The following DDX6 variants were observed in gnomAD, a reference collection of about 807,000 sequenced individuals.
DDX6 encodes the protein probable ATP-dependent RNA helicase DDX6.
In DDX6, 7 loss-of-function variants were observed where a neutral mutation model predicts 60.6. That is an observed-to-expected ratio of 0.12 (90% CI 0.07 to 0.22). The LOEUF (loss-of-function observed/expected upper bound fraction) is 0.22, where lower values mean the gene tolerates loss of function less well. DDX6 is among the 10% of genes least tolerant of loss of function. DDX6 has a pLI of 1.00. For synonymous variants in DDX6, 207 were observed against 201.0 expected (o/e 1.03, Z -0.25); for missense variants, 270 against 589.9 (o/e 0.46, Z 5.62).
chr11:118,766,327 G>C (rs1290675477), intron 5 of DDX6, among the ~76,000 whole-genome samples: 1 of 151,460 alleles, frequency 6.6e-6, no homozygotes, highest in Non-Finnish European at 1.5e-5. Flanking sequence ...TCAGCTTCTG[G>C]GGAGGCTGAG....
chr11:118,753,989 G>T (rs1313203259), intron 13 of DDX6, among the ~76,000 whole-genome samples: 1 of 152,098 alleles, frequency 6.6e-6, no homozygotes, highest in Non-Finnish European at 1.5e-5. Context: ...CCAGCTACTT[G>T]GGAGGCTGAG....
At chr11:118,761,693 T>C (rs1014941449) in intron 7 of DDX6, among the ~76,000 whole-genome samples, 1 of 152,166 alleles carries the variant, frequency 6.6e-6, no homozygotes, top group East Asian at 1.9e-4. Flanking sequence ...AAATTAAACC[T>C]AAACTCTGGC....
At chr11:118,784,934 C>T (rs1405758618) in intron 2 of DDX6, among the ~76,000 whole-genome samples, 6 of 152,002 alleles carry the variant, frequency 3.9e-5, no homozygotes, top group Admixed American at 1.3e-4. Flanking sequence ...TTAGTAGAGA[C>T]GGGGTTTATT....
chr11:118,768,119 T>C (rs1591903975), intron 5 of DDX6, 104 bp downstream of exon 5: 3 of 1,117,178 alleles, frequency 2.7e-6, no homozygotes, highest in Non-Finnish European at 3.6e-6. Flanking sequence ...GAATACAAAT[T>C]TTAGATAATG....
chr11:118,770,830 C>A (rs1861510977), intron 4 of DDX6, among the ~76,000 whole-genome samples: 1 of 146,696 alleles, frequency 6.8e-6, no homozygotes. Context: ...TGCAGTGGGC[C>A]AAGATTGCGC....
intron 2 of DDX6, among the ~76,000 whole-genome samples, chr11:118,783,785 C>G (rs1861980409): frequency 9.3e-6 from 1 of 107,304 alleles, no homozygotes; most frequent in Non-Finnish European, 1.7e-5. Flanking sequence ...CTAGCCTGGG[C>G]AACAGAGTGA....
intron 2 of DDX6, among the ~76,000 whole-genome samples, chr11:118,785,617 T>A (rs1293658688): frequency 6.6e-6 from 1 of 151,978 alleles, no homozygotes; most frequent in African/African-American, 2.4e-5. Context: ...GGCAAGTCTT[T>A]AAAGACTCTA....
chr11:118,777,347 T>G (rs1332614833), intron 4 of DDX6, among the ~76,000 whole-genome samples: 1 of 152,188 alleles, frequency 6.6e-6, no homozygotes, highest in African/African-American at 2.4e-5. Flanking sequence ...TCATCATTTA[T>G]CAAACTGGCC....
At chr11:118,773,875 C>A (rs11217024) in intron 4 of DDX6, among the ~76,000 whole-genome samples, 310 of 149,022 alleles carry the variant, frequency 2.1e-3, no homozygotes, top group Non-Finnish European at 4.1e-3. Flanking sequence ...AAAAAAAAAA[C>A]AAAACAAACA....
At chr11:118,766,332 G>A (rs536366647) in intron 5 of DDX6, among the ~76,000 whole-genome samples, 23 of 152,220 alleles carry the variant, frequency 1.5e-4, no homozygotes, top group African/African-American at 4.6e-4. Flanking sequence ...TTCTGGGGAG[G>A]CTGAGGCAGG....
In DDX6 at chr11:118,752,764, T is replaced by C. The variant is rs148513852; in HGVS notation, c.*8-667A>G. On this transcript the variant is annotated intron_variant, in intron 13 of 13. Transcript: ENST00000534980. Reference sequence around the variant, plus strand: ...TTGCTTAAAGCTGAGCCTTGTTTCATGCATTTCTAACTAGAGCCCAATAGT... The same window carrying C: ...TTGCTTAAAGCTGAGCCTTGTTTCACGCATTTCTAACTAGAGCCCAATAGT... 8.0e-3 allele frequency among the ~76,000 whole-genome samples: 1,217 copies of C among 152,250 alleles called. 17 individuals are homozygous for C. The highest frequency in any genetic ancestry group is 0.027 in the African/African-American group (1,141 of 41,536).
At chr11:118,762,281 A>AT (rs1325098434) in intron 7 of DDX6, among the ~76,000 whole-genome samples, 5 of 149,382 alleles carry the variant, frequency 3.3e-5, no homozygotes, top group Admixed American at 6.7e-5. Context: ...CTCAAAAAAA[A>AT]AAAAATAATA....
chr11:118,757,315 A>G, intron 9 of DDX6, 28 bp from the exon 10 acceptor site: 2 of 1,274,110 alleles, frequency 1.6e-6, no homozygotes, highest in Admixed American at 3.2e-5. Flanking sequence ...TAAGTATGAG[A>G]AAAATAAAAA....
At chr11:118,790,530 C>A (rs1167299381) in intron 1 of DDX6, among the ~76,000 whole-genome samples, 29 of 152,128 alleles carry the variant, frequency 1.9e-4, no homozygotes, top group Admixed American at 1.9e-3. Context: ...TACAGCATGT[C>A]CCTGCCGCCC....
chr11:118,784,939 T>C (rs1042983304), intron 2 of DDX6, among the ~76,000 whole-genome samples: 1 of 152,040 alleles, frequency 6.6e-6, no homozygotes, highest in African/African-American at 2.4e-5. Context: ...AGAGACGGGG[T>C]TTATTTTTAG....
At chr11:118,777,750 G>T (rs918260711) in intron 4 of DDX6, among the ~76,000 whole-genome samples, 3 of 152,056 alleles carry the variant, frequency 2.0e-5, no homozygotes, top group Non-Finnish European at 4.4e-5. Context: ...TTAGTTAGGT[G>T]TGGTAGCACA....
At chr11:118,756,215 A>G (rs782196571) in intron 11 of DDX6, 45 bp downstream of exon 11, 1 of 1,555,644 alleles carries the variant, frequency 6.4e-7, no homozygotes, top group Non-Finnish European at 8.8e-7. Flanking sequence ...GCAAAAAACA[A>G]CTTGGGAGAA....
At chr11:118,778,692 C>G (rs149137577) in intron 4 of DDX6, among the ~76,000 whole-genome samples, 320 of 152,108 alleles carry the variant, frequency 2.1e-3, no homozygotes, top group African/African-American at 7.4e-3. Context: ...AAGGGAAAAA[C>G]CACACAACAT....
chr11:118,756,144 A>G (rs1360481098), intron 11 of DDX6, 116 bp downstream of exon 11: 1 of 707,418 alleles, frequency 1.4e-6, no homozygotes, highest in African/African-American at 1.8e-5. Flanking sequence ...AAATCCTAGA[A>G]GTAGTGGTAG....
Sources: gnomAD v4.1 joint callset for allele counts (sites outside exome capture counted in the v4.1 genomes callset) on GRCh38, gnomAD v4.1.1 for gene constraint, MANE v1.5 for transcripts, NCBI Gene and HGNC (gene_info 2026-07-23, HGNC 2026-07-21) for gene names.